The following YJEFN3 variants were observed in gnomAD, a reference collection of about 807,000 sequenced individuals.
The protein encoded by YJEFN3 is yjeF N-terminal domain-containing protein 3.
Under a neutral mutation model 31.5 loss-of-function variants are expected in YJEFN3, and 29 were observed. That is an observed-to-expected ratio of 0.92 (90% CI 0.69 to 1.26). The LOEUF is 1.26. YJEFN3 is among the 50% of genes most tolerant of loss of function. The pLI, the probability that YJEFN3 is intolerant of heterozygous loss-of-function variation, is 0.00. For synonymous variants in YJEFN3, 227 were observed against 196.1 expected (o/e 1.16, Z -1.32); for missense variants, 442 against 425.4 (o/e 1.04, Z -0.34).
chr19:19,533,613 C>A, intron 3 of YJEFN3: 1 of 956,032 alleles, frequency 1.0e-6, no homozygotes, highest in Non-Finnish European at 1.2e-6. Context: ...TCCCCATCCT[C>A]CTCCTCCCCA....
At chr19:19,529,927 G>A (rs1302694584) in intron 2 of YJEFN3, among the ~76,000 whole-genome samples, 1 of 152,212 alleles carries the variant, frequency 6.6e-6, no homozygotes, top group Non-Finnish European at 1.5e-5. Flanking sequence ...CCATCAGCAG[G>A]TTTGGGACCC....
chr19:19,530,528 A>G (rs923239091), intron 2 of YJEFN3, among the ~76,000 whole-genome samples: 1 of 152,150 alleles, frequency 6.6e-6, no homozygotes, highest in Non-Finnish European at 1.5e-5. Context: ...TTGGGACAGA[A>G]GAAGAGGAAT....
intron 2 of YJEFN3, among the ~76,000 whole-genome samples, chr19:19,531,548 C>T (rs1228248603): frequency 6.6e-6 from 1 of 151,740 alleles, no homozygotes; most frequent in African/African-American, 2.4e-5. Flanking sequence ...CCTGGGTCAC[C>T]GGGATTACAG....
intron 3 of YJEFN3, chr19:19,533,319 A>T (rs2061176280): frequency 1.0e-6 from 1 of 985,716 alleles, no homozygotes; most frequent in African/African-American, 1.7e-5. Flanking sequence ...GCAACAGCAT[A>T]ATAAATGGTA....
chr19:19,536,936 C>T (rs2061215085), intron 6 of YJEFN3, among the ~76,000 whole-genome samples: 1 of 152,204 alleles, frequency 6.6e-6, no homozygotes, highest in South Asian at 2.1e-4. Flanking sequence ...CACCATTGCA[C>T]TCCAGCCTGG....
Position 19,532,741 on chromosome 19 carries a change from G to A in YJEFN3, c.318+1G>A. ...TGCTAGTGCCGTGGCTGTGACCAAGGTACCTGACCCCTGACCCCCAACCCT... is the reference window on the plus strand; with the variant it reads ...TGCTAGTGCCGTGGCTGTGACCAAGATACCTGACCCCTGACCCCCAACCCT... On this transcript the variant is annotated splice_donor_variant, in intron 3 of 6. Coordinates refer to ENST00000514277, the MANE Select transcript of YJEFN3 (RefSeq NM_198537.4). LOFTEE classifies it high-confidence loss of function. The A allele has an allele frequency of 1.3e-6, 2 of 1,560,840 alleles. No individual in the cohort carries two copies. The highest frequency in any genetic ancestry group is 1.2e-5 in the South Asian group (1 of 85,534).
In YJEFN3 at chr19:19,534,996, G is replaced by T. The variant is rs758138228; in HGVS notation, c.319-38G>T. The T allele has an allele frequency of 3.3e-6, 5 of 1,522,392 alleles. No individual in the cohort carries two copies. The African/African-American group carries it at 4.1e-5, about 13-fold the overall frequency. The allele number at this position is 1,522,392 out of a possible 1,614,324, so 94.3% of individuals were successfully genotyped here. A position where few individuals can be genotyped will look rare whatever the true frequency, so the allele number is the denominator to read the frequency against. ...TCCTCTCCAGGCAAGGAGGAATCTG[G>T]ACTGTGCCTGTGCCTTTGCTGTGTC... On this transcript the variant is annotated intron_variant, in intron 3 of 6. Coordinates refer to ENST00000514277, the MANE Select transcript of YJEFN3 (RefSeq NM_198537.4). The surrounding 1 kb of genome is among the most constrained non-coding windows in gnomAD (Gnocchi z 4.6).
In YJEFN3 at chr19:19,528,953, A is replaced by C. The variant is rs2061125458; in HGVS notation, c.21A>C (p.Pro7=). ...CGGCCATGAGCAGCGCAGCCGGCCC[A>C]GACCCGTCGGAGGCGCCCGAAGAGC... MSSAAG[P]DPSEAPEERH... Residue 7 remains proline, a synonymous_variant, in exon 1 of 7, where the codon CCA becomes CCC. Coordinates refer to ENST00000514277, the MANE Select transcript of YJEFN3 (RefSeq NM_198537.4). 6.5e-7 allele frequency: 1 copy of C among 1,549,764 alleles called. No individual in the cohort carries two copies. Among genetic ancestry groups the C allele is most frequent in the East Asian group, 2.4e-5 (1 of 40,894 alleles).
Position 19,528,961 on chromosome 19 carries a change from C to T in YJEFN3, c.29C>T (p.Ser10Leu), listed in dbSNP as rs757733552. 1.2e-5 allele frequency: 18 copies of T among 1,549,888 alleles called. No individual in the cohort carries two copies. The highest frequency in any genetic ancestry group is 2.7e-5 in the African/African-American group (2 of 73,034). Residue 10 changes from serine (S) to leucine (L), a missense_variant, in exon 1 of 7, where the codon TCG (serine) becomes TTG (leucine). Physicochemically the swap from Ser to Leu is moderately radical, Grantham distance 145. Coordinates refer to ENST00000514277, the MANE Select transcript of YJEFN3 (RefSeq NM_198537.4). Reference protein sequence around the residue: MSSAAGPDPSEAPEERHFLR... With the variant: MSSAAGPDPLEAPEERHFLR... ...AGCAGCGCAGCCGGCCCAGACCCGT[C>T]GGAGGCGCCCGAAGAGCGGCATTTC...
rs996977125 is a variant in YJEFN3 at position 19,534,789 on chromosome 19, T to A, written c.319-245T>A. The stretch of plus-strand genomic sequence containing the variant: ...AAACCGCACTCCGGGCGACGGGCAG[T>A]GGCTGGATGCACGTTTTTCCTGCAC... On this transcript the variant is annotated intron_variant, in intron 3 of 6. Coordinates refer to ENST00000514277, the MANE Select transcript of YJEFN3 (RefSeq NM_198537.4). This position sits in a 1 kb window ranked among gnomAD's most constrained non-coding sequence, Gnocchi z 4.6. The A allele has an allele frequency of 2.6e-6, 1 of 385,576 alleles. No homozygotes were observed. The highest frequency in any genetic ancestry group is 2.1e-5 in the African/African-American group (1 of 48,438). 23.9% of individuals were successfully genotyped at this position (385,576 alleles called of 1,614,324 possible).
chr19:19,536,770 G>C (rs773509965), intron 6 of YJEFN3, among the ~76,000 whole-genome samples: 1 of 152,148 alleles, frequency 6.6e-6, no homozygotes, highest in African/African-American at 2.4e-5. Context: ...AGGAGTTCGA[G>C]ACCAGCCTGG....
rs758848652 is a variant in YJEFN3 at position 19,534,125 on chromosome 19, CGCAGAATCAGGGCAGGGCTGGGGCCAA to C, written c.319-908_319-882del. The C allele has an allele frequency of 2.0e-6, 2 of 985,594 alleles. No individual in the cohort carries two copies. Among genetic ancestry groups the C allele is most frequent in the Non-Finnish European group, 2.4e-6 (2 of 830,060 alleles). The allele number at this position is 985,594 out of a possible 1,614,324, so 61.1% of individuals were successfully genotyped here. A position where few individuals can be genotyped will look rare whatever the true frequency, so the allele number is the denominator to read the frequency against. On this transcript the variant is annotated intron_variant, in intron 3 of 6. Coordinates refer to ENST00000514277, the MANE Select transcript of YJEFN3 (RefSeq NM_198537.4). This position sits in a 1 kb window ranked among gnomAD's most constrained non-coding sequence, Gnocchi z 4.6. ...TCTGGGAGAGAAGGGGCTGGGGCCA[CGCAGAATCAGGGCAGGGCTGGGGCCAA>C]AATGCCTGGAGAGACAGAGTCTGAG...
At chr19:19,535,905 C>G (rs1408048963) in intron 6 of YJEFN3, 2 of 644,236 alleles carry the variant, frequency 3.1e-6, no homozygotes, top group Non-Finnish European at 2.7e-6. Context: ...CAGTGCCCAG[C>G]CCACATGCCC....
intron 1 of YJEFN3, 177 bp downstream of exon 1, chr19:19,529,168 A>G (rs572272857): frequency 2.1e-6 from 3 of 1,455,730 alleles, no homozygotes; most frequent in Non-Finnish European, 2.7e-6. Context: ...AACCGGAGGC[A>G]GGGATATGGC....
Position 19,537,385 on chromosome 19 carries a change from C to A in YJEFN3, c.761C>A (p.Ala254Glu). The A allele has an allele frequency of 6.3e-7, 1 of 1,594,212 alleles. No homozygotes were observed. Among genetic ancestry groups the A allele is most frequent in the South Asian group, 1.1e-5 (1 of 89,966 alleles). Residue 254 changes from alanine to glutamate, a missense_variant, in exon 7 of 7, where the codon GCG (alanine) becomes GAG (glutamate). By Grantham distance (107) the Ala-to-Glu change is moderately radical. Coordinates refer to ENST00000514277, the MANE Select transcript of YJEFN3 (RefSeq NM_198537.4). ...GLRPDVLVSL[A>E]APKRCAGRFS... is the part of the protein sequence containing the mutation. ...CGGCCTGACGTGCTGGTGTCTCTCG[C>A]GGCGCCCAAGCGCTGCGCTGGCCGC...
Position 19,535,016 on chromosome 19 carries a change from T to C in YJEFN3, c.319-18T>C, listed in dbSNP as rs1189841487. The C allele has an allele frequency of 3.2e-6, 5 of 1,572,862 alleles. No individual in the cohort carries two copies. In the South Asian group the frequency reaches 3.6e-5, roughly 11 times the overall value. ...ATCTGGACTGTGCCTGTGCCTTTGC[T>C]GTGTCCCCTACCACCAGGCGTTCCC... On this transcript the variant is annotated intron_variant, in intron 3 of 6. Transcript: ENST00000514277.
At chr19:19,529,149 A>T in intron 1 of YJEFN3, 158 bp downstream of exon 1, 1 of 1,461,210 alleles carries the variant, frequency 6.8e-7, no homozygotes, top group East Asian at 2.5e-5. Flanking sequence ...AGGCATGACC[A>T]CGGTGGGGAA....
intron 3 of YJEFN3, chr19:19,533,088 C>T (rs2061173986): frequency 2.8e-6 from 3 of 1,068,376 alleles, no homozygotes; most frequent in Non-Finnish European, 3.4e-6. Flanking sequence ...CACCCCTAAA[C>T]AACCCTGTTC....
intron 1 of YJEFN3, 69 bp downstream of exon 1, chr19:19,529,060 G>C: frequency 6.5e-7 from 1 of 1,537,982 alleles, no homozygotes; most frequent in African/African-American, 1.4e-5. Flanking sequence ...CCGTAGGACC[G>C]GAGGCAGGGT....
Sources: allele counts gnomAD v4.1 joint callset (sites outside exome capture counted in the v4.1 genomes callset), GRCh38; gene constraint gnomAD v4.1.1; non-coding constraint Gnocchi (gnomAD v3.1); transcripts MANE v1.5; gene names NCBI Gene and HGNC (gene_info 2026-07-23, HGNC 2026-07-21).